The following REG1A variants were observed in gnomAD, a reference collection of about 807,000 sequenced individuals.
The protein encoded by REG1A is regenerating family member 1 alpha.
In REG1A, 20 loss-of-function variants were observed where a neutral mutation model predicts 20.7. The observed-to-expected ratio is 0.97, with a 90% CI of 0.68 to 1.41. REG1A has a LOEUF of 1.41. Among genes scored for constraint, REG1A ranks in the 40% most tolerant of loss-of-function variants. The pLI is 0.00. For synonymous variants in REG1A, 90 were observed against 71.6 expected, an observed-to-expected ratio of 1.26 and a Z score of -1.30; for missense variants, 193 against 201.8, an observed-to-expected ratio of 0.96 and a Z score of 0.26.
Position 79,123,230 on chromosome 2 carries a change from T to C in REG1A, c.*15T>C. ...TCAAAAACTAGAGGCAACTGGAAAA[T>C]ACATGTCTAGAACTGATCCAGCAAT... On this transcript the variant is annotated 3_prime_UTR_variant, in exon 6 of 6. Transcript: ENST00000233735. 1.3e-6 allele frequency: 2 copies of C among 1,559,486 alleles called. No homozygotes were observed. The highest frequency in any genetic ancestry group is 1.8e-6 in the Non-Finnish European group (2 of 1,131,484).
intron 2 of REG1A, among the ~76,000 whole-genome samples, chr2:79,121,173 G>C (rs1171301947): frequency 6.6e-6 from 1 of 152,266 alleles, no homozygotes. Flanking sequence ...GAGTTTATCT[G>C]ATTAAATTTA....
Position 79,120,935 on chromosome 2 carries a change from CT to C in REG1A, c.64+14del. On this transcript the variant is annotated intron_variant, in intron 2 of 5. Transcript: ENST00000233735. Reference sequence around the variant, plus strand: ...CTGTCTCAGAGCCAAGGTAAGATCTCTTTTCCACCAACCAACTCTTTCTAGC... The same window carrying C: ...CTGTCTCAGAGCCAAGGTAAGATCTCTTTCCACCAACCAACTCTTTCTAGC... 1 of 1,611,014 alleles carries C rather than the reference CT, an allele frequency of 6.2e-7. No individual in the cohort carries two copies. Among genetic ancestry groups the C allele is most frequent in the Non-Finnish European group, 8.5e-7 (1 of 1,178,282 alleles).
chr2:79,121,318 G>A (rs1224357926), intron 2 of REG1A, among the ~76,000 whole-genome samples: 2 of 152,128 alleles, frequency 1.3e-5, no homozygotes, highest in Non-Finnish European at 2.9e-5. Context: ...AGGTAGAAGA[G>A]CCTGAGCTCC....
intron 2 of REG1A, among the ~76,000 whole-genome samples, 192 bp from the exon 3 acceptor site, chr2:79,121,370 T>C (rs924141017): frequency 6.6e-6 from 1 of 152,198 alleles, no homozygotes; most frequent in Admixed American, 6.5e-5. Context: ...TTTGGCCTAT[T>C]CATTCTGTTT....
chr2:79,121,761 A>G, intron 3 of REG1A, 81 bp downstream of exon 3: 1 of 1,411,714 alleles, frequency 7.1e-7, no homozygotes, highest in Non-Finnish European at 1.0e-6. Flanking sequence ...CAGTGGCTGC[A>G]ATGAGATGAG....
Position 79,120,925 on chromosome 2 carries a change from G to A in REG1A, c.64G>A (p.Gly22Ser), listed in dbSNP as rs1401430818. The A allele has an allele frequency of 4.3e-6, 7 of 1,611,856 alleles. No homozygotes were observed. The highest frequency in any genetic ancestry group is 5.9e-6 in the Non-Finnish European group (7 of 1,179,150). Residue 22 changes from glycine to serine, a missense_variant and splice_region_variant, in exon 2 of 6, where the codon GGC becomes AGC. Transcript: ENST00000233735. ...SCLMFLSQSQ[G>S]QEAQTELPQA... ...CCTGATGTTTCTGTCTCAGAGCCAA[G>A]GTAAGATCTCTTTTCCACCAACCAA...
Position 79,122,144 on chromosome 2 carries a change from T to A in REG1A, c.321+19T>A. 6.2e-7 allele frequency: 1 copy of A among 1,612,970 alleles called. No individual in the cohort carries two copies. The highest frequency in any genetic ancestry group is 8.5e-7 in the Non-Finnish European group (1 of 1,179,442). ...CAAAAAGGTAGGCTGCAGCCTTCTT[T>A]ATCTCCTAATGATCAGGTTTGAGAA... is the stretch of plus-strand genomic sequence containing the variant. On this transcript the variant is annotated intron_variant, in intron 4 of 5. Transcript: ENST00000233735.
At chr2:79,123,091 C>G in intron 5 of REG1A, 57 bp from the exon 6 acceptor site, 1 of 1,498,592 alleles carries the variant, frequency 6.7e-7, no homozygotes, top group Non-Finnish European at 9.2e-7. Context: ...GTCCTAAAGC[C>G]AGGAGGGTCA....
In REG1A at chr2:79,123,274, T is replaced by C. The variant is rs1459561727; in HGVS notation, c.*59T>C. 1.8e-6 allele frequency: 2 copies of C among 1,115,024 alleles called. No individual in the cohort carries two copies. The highest frequency in any genetic ancestry group is 2.7e-6 in the Non-Finnish European group (2 of 750,388). The allele number at this position is 1,115,024 out of a possible 1,614,324, so 69.1% of individuals were successfully genotyped here. A position where few individuals can be genotyped will look rare whatever the true frequency, so the allele number is the denominator to read the frequency against. ...CAGCAATTACAACGGAGTCAAAAAT[T>C]AAACCGGACCATCTCTCCAACTCAA... On this transcript the variant is annotated 3_prime_UTR_variant, in exon 6 of 6. Transcript: ENST00000233735.
In REG1A at chr2:79,120,935, C is replaced by G; in HGVS notation, c.64+10C>G. On this transcript the variant is annotated intron_variant, in intron 2 of 5. Coordinates refer to ENST00000233735, the MANE Select transcript of REG1A (RefSeq NM_002909.5). ...CTGTCTCAGAGCCAAGGTAAGATCT[C>G]TTTTCCACCAACCAACTCTTTCTAG... 6.2e-7 allele frequency: 1 copy of G among 1,611,018 alleles called. No individual in the cohort carries two copies. Among genetic ancestry groups the G allele is most frequent in the Non-Finnish European group, 8.5e-7 (1 of 1,178,286 alleles).
chr2:79,123,073 T>C, intron 5 of REG1A, 75 bp from the exon 6 acceptor site: 1 of 1,458,136 alleles, frequency 6.9e-7, no homozygotes, highest in Non-Finnish European at 9.6e-7. Flanking sequence ...GTTTGGTTTT[T>C]GTCCTGAGTC....
chr2:79,121,964 G>A, intron 3 of REG1A, 24 bp from the exon 4 acceptor site: 1 of 1,612,358 alleles, frequency 6.2e-7, no homozygotes, highest in Non-Finnish European at 8.5e-7. Context: ...CCTCCACTGA[G>A]TGCTCCATTT....
At chr2:79,121,920 C>T in intron 3 of REG1A, 68 bp from the exon 4 acceptor site, 1 of 1,591,968 alleles carries the variant, frequency 6.3e-7, no homozygotes, top group Non-Finnish European at 8.6e-7. Flanking sequence ...GACCCGTCCT[C>T]TTGGAGGACT....
At chr2:79,122,168 A>G (rs1480596215) in intron 4 of REG1A, 43 bp downstream of exon 4, 2 of 1,600,572 alleles carry the variant, frequency 1.2e-6, no homozygotes, top group South Asian at 2.2e-5. Flanking sequence ...CAGGTTTGAG[A>G]AGTAAGAAGG....
chr2:79,122,850 TG>T lies in REG1A; in HGVS notation c.333del (p.Trp111CysfsTer28). The T allele has an allele frequency of 6.2e-7, 1 of 1,613,142 alleles. No individual in the cohort carries two copies. The highest frequency in any genetic ancestry group is 8.5e-7 in the Non-Finnish European group (1 of 1,179,914). On this transcript the variant is annotated frameshift_variant, in exon 5 of 6. Transcript: ENST00000233735. LOFTEE classifies it high-confidence loss of function. ...GCCCTTCCCCATCTAGAACCGCCGC[TG>T]GCACTGGAGCAGTGGGTCCCTGGTC... ...GLHDPKKNRR[W>X]HWSSGSLVSY...
In REG1A at chr2:79,122,965, G is replaced by A; in HGVS notation, c.433+13G>A. On this transcript the variant is annotated intron_variant, in intron 5 of 5. Coordinates refer to ENST00000233735, the MANE Select transcript of REG1A (RefSeq NM_002909.5). ...ACCTCAAGCACAGGTGAGAGGCAGA[G>A]AATCCATCCACCTGTTTCTGTTCTC... 3 of 1,602,374 alleles carry A rather than the reference G, an allele frequency of 1.9e-6. No individual in the cohort carries two copies. Among genetic ancestry groups the A allele is most frequent in the Non-Finnish European group, 2.6e-6 (3 of 1,169,384 alleles).
Position 79,123,263 on chromosome 2 carries a change from G to T in REG1A, c.*48G>T. The T allele has an allele frequency of 7.8e-7, 1 of 1,277,298 alleles. No individual in the cohort carries two copies. The highest frequency in any genetic ancestry group is 1.1e-6 in the Non-Finnish European group (1 of 893,176). The allele number at this position is 1,277,298 out of a possible 1,614,324, so 79.1% of individuals were successfully genotyped here. On this transcript the variant is annotated 3_prime_UTR_variant, in exon 6 of 6. Coordinates refer to ENST00000233735, the MANE Select transcript of REG1A (RefSeq NM_002909.5). ...TAGAACTGATCCAGCAATTACAACG[G>T]AGTCAAAAATTAAACCGGACCATCT...
chr2:79,120,537 G>A (rs1201183362), intron 1 of REG1A, 23 bp downstream of exon 1: 1 of 249,608 alleles, frequency 4.0e-6, no homozygotes, highest in Non-Finnish European at 7.6e-6. Flanking sequence ...TACAGGAGAA[G>A]GGCGTCTCTA....
At chr2:79,122,998 T>A (rs1672909713) in intron 5 of REG1A, 46 bp downstream of exon 5, 3 of 1,543,164 alleles carry the variant, frequency 1.9e-6, no homozygotes, top group Non-Finnish European at 2.7e-6. Flanking sequence ...CTCTCCTGCT[T>A]AGCTCCAGGG....
Sources: gnomAD v4.1 joint callset for allele counts (sites outside exome capture counted in the v4.1 genomes callset) on GRCh38, gnomAD v4.1.1 for gene constraint, MANE v1.5 for transcripts, NCBI Gene and HGNC (gene_info 2026-07-23, HGNC 2026-07-21) for gene names.